TRAIP: variants seen among roughly 807,000 people sequenced by gnomAD.
TRAIP encodes the protein E3 ubiquitin-protein ligase TRAIP.
TRAIP carries 37 observed loss-of-function variants against 65.0 expected under a neutral mutation model. The observed-to-expected ratio is 0.57, with a 90% confidence interval of 0.44 to 0.75. The LOEUF (loss-of-function observed/expected upper bound fraction) is 0.75, where lower values mean the gene tolerates loss of function less well. Ranked by LOEUF, TRAIP falls within the 30% of genes least tolerant of loss-of-function variation. TRAIP has a pLI of 0.00. For missense variants in TRAIP, 481 were observed against 579.4 expected (o/e 0.83, Z 1.74); for synonymous variants, 187 against 219.1 (o/e 0.85, Z 1.29).
intron 3 of TRAIP, among the ~76,000 whole-genome samples, chr3:49,845,673 CCT>C (rs2081876242): frequency 1.3e-5 from 2 of 152,212 alleles, no homozygotes. Context: ...CCCATAGTCC[CCT>C]GACTTCTTCC....
rs145642454 is a variant in TRAIP at position 49,828,936 on chromosome 3, G to T, written c.*167C>A. On this transcript the variant is annotated 3_prime_UTR_variant, in exon 15 of 15. Coordinates refer to ENST00000331456, the MANE Select transcript of TRAIP (RefSeq NM_005879.3). Reference sequence around the variant, plus strand: ...GTCGTAGGAGTGGGGCAGGGTGAGGGCAGGAAGAGCAGTCTCTGGGTGCCA... The same window carrying T: ...GTCGTAGGAGTGGGGCAGGGTGAGGTCAGGAAGAGCAGTCTCTGGGTGCCA... The T allele has an allele frequency of 7.4e-4, 656 of 886,018 alleles. 5 individuals carry two copies. In the African/African-American group the frequency reaches 9.4e-3, roughly 13 times the overall value. 54.9% of individuals were successfully genotyped at this position (886,018 alleles called of 1,614,324 possible). A position where few individuals can be genotyped will look rare whatever the true frequency, so the allele number is the denominator to read the frequency against.
At position 49,856,500 on chromosome 3, in the gene TRAIP, G is replaced by C. The variant is rs1396016114; in HGVS notation, c.-47C>G. The stretch of plus-strand genomic sequence containing the variant: ...CAGGCAGCCAAAGAAACTGCTACAG[G>C]TCCGGCTTCGTAGACGCGCCCCCGC... On this transcript the variant is annotated 5_prime_UTR_variant, in exon 1 of 15. Transcript: ENST00000331456. The C allele has an allele frequency of 1.3e-6, 2 of 1,550,172 alleles. No individual in the cohort carries two copies. Among genetic ancestry groups the C allele is most frequent in the Non-Finnish European group, 1.8e-6 (2 of 1,134,420 alleles).
Position 49,844,759 on chromosome 3 carries a change from T to C in TRAIP, c.241-179A>G, listed in dbSNP as rs1229271333. ...GGAAAGATAAGCACTGCTGTAGCTC[T>C]ATGTGCCCTTTTGAAAAGTAGGTAA... On this transcript the variant is annotated intron_variant, in intron 3 of 14. Transcript: ENST00000331456. Among the ~76,000 whole-genome samples, 3 of 152,272 alleles carry C rather than the reference T, an allele frequency of 2.0e-5. No homozygotes were observed. The East Asian group carries it at 5.8e-4, about 29-fold the overall frequency.
At chr3:49,856,283 T>G in intron 1 of TRAIP, 73 bp downstream of exon 1, 1 of 1,349,136 alleles carries the variant, frequency 7.4e-7, no homozygotes, top group Non-Finnish European at 1.0e-6. Context: ...TTGGACCGCC[T>G]GGAGGCCCAA....
chr3:49,840,537 C>T (rs2081830103), intron 8 of TRAIP, 164 bp from the exon 9 acceptor site: 2 of 610,306 alleles, frequency 3.3e-6, no homozygotes, highest in Non-Finnish European at 5.8e-6. Flanking sequence ...CAATGCACAT[C>T]CGGAGCTGCC....
At chr3:49,853,542 G>T (rs972073282) in intron 1 of TRAIP, among the ~76,000 whole-genome samples, 1 of 152,114 alleles carries the variant, frequency 6.6e-6, no homozygotes, top group Non-Finnish European at 1.5e-5. Flanking sequence ...CAGATAAAAT[G>T]GACTTTAAAT....
chr3:49,842,714 G>T (rs1168361639), intron 5 of TRAIP, among the ~76,000 whole-genome samples, 167 bp from the exon 6 acceptor site: 1 of 152,036 alleles, frequency 6.6e-6, no homozygotes, highest in African/African-American at 2.4e-5. Flanking sequence ...TCCCACTCTC[G>T]CTTGTGCTTC....
intron 10 of TRAIP, 38 bp from the exon 11 acceptor site, chr3:49,832,106 T>C: frequency 6.5e-7 from 1 of 1,530,918 alleles, no homozygotes; most frequent in Admixed American, 2.0e-5. Context: ...GGGGCCACAG[T>C]GGTAACCCAG....
chr3:49,850,590 G>A (rs551773047), intron 1 of TRAIP, among the ~76,000 whole-genome samples: 6 of 151,910 alleles, frequency 3.9e-5, no homozygotes, highest in Admixed American at 2.0e-4. Flanking sequence ...GGTGTTGGTA[G>A]GGGTTGGAAG....
intron 10 of TRAIP, among the ~76,000 whole-genome samples, chr3:49,832,970 C>T (rs1328338698): frequency 6.6e-6 from 1 of 152,120 alleles, no homozygotes; most frequent in Non-Finnish European, 1.5e-5. Flanking sequence ...GGTGGCTAAG[C>T]AATCCAGGCA....
chr3:49,833,814 T>C (rs563162274), intron 10 of TRAIP, among the ~76,000 whole-genome samples: 2 of 152,200 alleles, frequency 1.3e-5, no homozygotes, highest in South Asian at 4.1e-4. Flanking sequence ...TCTTCCTTCA[T>C]GAGCTTGAAG....
intron 10 of TRAIP, among the ~76,000 whole-genome samples, chr3:49,833,615 G>A (rs1390311394): frequency 6.6e-6 from 1 of 151,902 alleles, no homozygotes; most frequent in African/African-American, 2.4e-5. Flanking sequence ...GAGTAGCTGG[G>A]GCTACAGGCG....
rs1046561445 is a variant in TRAIP, at chr3:49,828,913, C to T, written c.*190G>A. On this transcript the variant is annotated 3_prime_UTR_variant, in exon 15 of 15. Transcript: ENST00000331456. ...TGGGCTGGTCATGTCAGCTCCCAGTCGTAGGAGTGGGGCAGGGTGAGGGCA... is the reference window on the plus strand; with the variant it reads ...TGGGCTGGTCATGTCAGCTCCCAGTTGTAGGAGTGGGGCAGGGTGAGGGCA... The T allele has an allele frequency of 4.2e-6, 3 of 707,864 alleles. No homozygotes were observed. Among genetic ancestry groups the T allele is most frequent in the Non-Finnish European group, 7.1e-6 (3 of 421,444 alleles). 43.8% of individuals were successfully genotyped at this position (707,864 alleles called of 1,614,324 possible). A position where few individuals can be genotyped will look rare whatever the true frequency, so the allele number is the denominator to read the frequency against.
chr3:49,850,963 C>T (rs1161591765), intron 1 of TRAIP, among the ~76,000 whole-genome samples: 1 of 151,182 alleles, frequency 6.6e-6, no homozygotes, highest in Non-Finnish European at 1.5e-5. Context: ...CTGCGTTTTC[C>T]TGTTTTCTTT....
intron 10 of TRAIP, among the ~76,000 whole-genome samples, chr3:49,839,337 C>G (rs1262151678): frequency 6.6e-6 from 1 of 152,138 alleles, no homozygotes; most frequent in African/African-American, 2.4e-5. Context: ...CTCTCAGGAG[C>G]AGAAATGGAT....
At chr3:49,843,983 G>A (rs2081862013) in intron 4 of TRAIP, 55 bp from the exon 5 acceptor site, 3 of 1,557,520 alleles carry the variant, frequency 1.9e-6, no homozygotes, top group South Asian at 2.4e-5. Context: ...TCCATCAGCA[G>A]AAGAACTTGG....
intron 14 of TRAIP, 95 bp downstream of exon 14, chr3:49,829,363 C>A (rs563798293): frequency 1.9e-6 from 3 of 1,611,758 alleles, no homozygotes; most frequent in East Asian, 2.2e-5. Context: ...GCACTGCACA[C>A]CTGAGGCTGT....
Position 49,847,521 on chromosome 3 carries a change from G to C in TRAIP, c.240+4C>G. 6.3e-7 allele frequency: 1 copy of C among 1,596,382 alleles called. No homozygotes were observed. Among genetic ancestry groups the C allele is most frequent in the Non-Finnish European group, 8.6e-7 (1 of 1,169,020 alleles). On this transcript the variant is annotated splice_donor_region_variant and intron_variant, in intron 3 of 14. Coordinates refer to ENST00000331456, the MANE Select transcript of TRAIP (RefSeq NM_005879.3). ...TTCAGTAGAATCAGATAAATTCTGG[G>C]TACCTTTAAGAATTCTGCATCCAAG...
At chr3:49,832,159 A>T in intron 10 of TRAIP, 91 bp from the exon 11 acceptor site, 2 of 1,372,756 alleles carry the variant, frequency 1.5e-6, no homozygotes. Context: ...AGCTCCAGGG[A>T]CCTGGAGCCC....
Sources: gnomAD v4.1 joint callset for allele counts (sites outside exome capture counted in the v4.1 genomes callset) on GRCh38, gnomAD v4.1.1 for gene constraint, MANE v1.5 for transcripts, NCBI Gene and HGNC (gene_info 2026-07-23, HGNC 2026-07-21) for gene names.